Variants in ERAP1 observed in about 807,000 individuals in gnomAD.
The protein encoded by ERAP1 is endoplasmic reticulum aminopeptidase 1.
A neutral mutation model predicts 103.7 loss-of-function variants in ERAP1; 86 were observed. The observed-to-expected ratio is 0.83, with a 90% CI of 0.70 to 0.99. The LOEUF (loss-of-function observed/expected upper bound fraction) is 0.99. Ranked by LOEUF, ERAP1 falls within the 50% of genes least tolerant of loss-of-function variation. The pLI is 0.00. For synonymous variants in ERAP1, 398 were observed against 402.4 expected, an observed-to-expected ratio of 0.99 and a Z score of 0.13; for missense variants, 1,009 against 1,128.4, an observed-to-expected ratio of 0.89 and a Z score of 1.52.
the ERAP1 span, among the ~76,000 whole-genome samples, chr5:96,841,126 G>T: frequency 9.9e-5 from 15 of 152,174 alleles, no homozygotes; most frequent in African/African-American, 3.6e-4. Flanking sequence ...CCCACCAGGG[G>T]CATATGTCAT....
the ERAP1 span, among the ~76,000 whole-genome samples, chr5:96,872,713 A>T: frequency 1.3e-5 from 2 of 152,228 alleles, no homozygotes; most frequent in Non-Finnish European, 2.9e-5. Context: ...CGGATTGACA[A>T]TAATCCTCTG....
chr5:96,826,668 C>A, the ERAP1 span, among the ~76,000 whole-genome samples: 2 of 152,156 alleles, frequency 1.3e-5, no homozygotes, highest in African/African-American at 2.4e-5. Flanking sequence ...AGCCAGCACA[C>A]GACTTCCTAA....
the ERAP1 span, among the ~76,000 whole-genome samples, chr5:96,915,302 C>A: frequency 1.3e-5 from 2 of 152,132 alleles, no homozygotes; most frequent in Admixed American, 6.5e-5. Context: ...AGCCACCGCG[C>A]CCAGCCCATA....
the ERAP1 span, chr5:96,901,574 C>T: frequency 6.2e-7 from 1 of 1,614,090 alleles, no homozygotes; most frequent in Non-Finnish European, 8.5e-7. Flanking sequence ...AGAAAGGAAT[C>T]CCCCTGCTGG....
the ERAP1 span, chr5:96,889,326 A>G: frequency 8.1e-6 from 13 of 1,613,354 alleles, no homozygotes; most frequent in Non-Finnish European, 1.0e-5. Flanking sequence ...ATTCCACATT[A>G]TTGTCTTCAT....
the ERAP1 span, chr5:96,912,749 A>C: frequency 5.0e-6 from 8 of 1,601,340 alleles, no homozygotes; most frequent in African/African-American, 1.1e-4. Flanking sequence ...TGAACAAAAC[A>C]AAATTCTGTA....
the ERAP1 span, chr5:96,934,791 G>C: frequency 6.6e-6 from 1 of 152,404 alleles, no homozygotes; most frequent in African/African-American, 2.4e-5. Context: ...CAGAGCGTGT[G>C]ACAGTTGGCA....
intron 19 of ERAP1, chr5:96,768,079 T>TA: frequency 1.1e-6 from 1 of 924,258 alleles, no homozygotes; most frequent in Non-Finnish European, 1.8e-6. Flanking sequence ...ATTTATTGAT[T>TA]GATCTATCTA....
rs139887666 is a variant in ERAP1, at chr5:96,788,398, C to A, written c.1679+133G>T. 195 of 1,124,238 alleles carry A rather than the reference C, an allele frequency of 1.7e-4. 2 individuals are homozygous for A. In the African/African-American group the frequency reaches 2.7e-3, roughly 16 times the overall value. The allele number at this position is 1,124,238 out of a possible 1,614,324, so 69.6% of individuals were successfully genotyped here. Reference sequence around the variant, plus strand: ...GATGGGGGCAGGGAGTATAAGTCAACTTCATAGGATACACAGATGCAGCTG... The same window carrying A: ...GATGGGGGCAGGGAGTATAAGTCAAATTCATAGGATACACAGATGCAGCTG... On this transcript the variant is annotated intron_variant, in intron 11 of 18. Transcript: ENST00000443439.
At chr5:96,896,961 C>T in the ERAP1 span, 2 of 960,684 alleles carry the variant, frequency 2.1e-6, no homozygotes, top group Non-Finnish European at 2.9e-6. Context: ...GTCAGTCAAC[C>T]ATATTTATTC....
exon 20 of ERAP1, chr5:96,762,529 G>C: frequency 1.9e-6 from 1 of 520,812 alleles, no homozygotes; most frequent in East Asian, 3.1e-5. Context: ...GATTTAGCGA[G>C]ATGGCAGAGA....
the ERAP1 span, among the ~76,000 whole-genome samples, chr5:96,914,144 T>TCACACACACA: frequency 3.9e-5 from 4 of 101,592 alleles, no homozygotes; most frequent in South Asian, 1.2e-3. Flanking sequence ...TCTCTCTCTC[T>TCACACACACA]CTCTCACACA....
the ERAP1 span, among the ~76,000 whole-genome samples, chr5:96,898,104 G>A: frequency 8.5e-5 from 13 of 152,206 alleles, no homozygotes; most frequent in Middle Eastern, 3.4e-3. Context: ...GCTAAGGCAG[G>A]AGAATCACTT....
the ERAP1 span, chr5:96,908,904 A>C: frequency 4.0e-6 from 6 of 1,513,482 alleles, no homozygotes; most frequent in Non-Finnish European, 5.4e-6. Flanking sequence ...TTTAATGTTA[A>C]AAATATTAAA....
the ERAP1 span, among the ~76,000 whole-genome samples, chr5:96,828,524 G>T: frequency 6.6e-6 from 1 of 152,166 alleles, no homozygotes; most frequent in African/African-American, 2.4e-5. Flanking sequence ...TTTTCAAAAA[G>T]AACTTGTATT....
At chr5:96,925,967 G>C in the ERAP1 span, among the ~76,000 whole-genome samples, 15 of 139,766 alleles carry the variant, frequency 1.1e-4, no homozygotes, top group African/African-American at 3.8e-4. Flanking sequence ...CAGGGCTGCA[G>C]TGGCGTGATC....
the ERAP1 span, among the ~76,000 whole-genome samples, chr5:96,871,321 T>A: frequency 2.0e-5 from 3 of 152,242 alleles, no homozygotes; most frequent in Non-Finnish European, 2.9e-5. Flanking sequence ...CTGATATTCA[T>A]TGTCTTGTAA....
chr5:96,787,551 C>A (rs1776185865), intron 11 of ERAP1, among the ~76,000 whole-genome samples: 1 of 152,098 alleles, frequency 6.6e-6, no homozygotes, highest in Admixed American at 6.5e-5. Context: ...AAGGCATGAG[C>A]CACTGTGACC....
chr5:96,914,148 TCA>T, the ERAP1 span, among the ~76,000 whole-genome samples: 2 of 147,972 alleles, frequency 1.4e-5, no homozygotes, highest in Non-Finnish European at 3.0e-5. Context: ...TCTCTCTCTC[TCA>T]CACACACACA....
Sources: allele counts gnomAD v4.1 joint callset (sites outside exome capture counted in the v4.1 genomes callset), GRCh38; gene constraint gnomAD v4.1.1; transcripts MANE v1.5; gene names NCBI Gene and HGNC (gene_info 2026-07-23, HGNC 2026-07-21).